Variants in CYB5R3 observed in about 807,000 individuals in gnomAD.
CYB5R3 encodes the protein cytochrome b5 reductase 3.
CYB5R3 carries 28 observed loss-of-function variants against 36.5 expected under a neutral mutation model. The ratio of observed to expected loss-of-function variants is 0.77; its 90% CI spans 0.57 to 1.05. CYB5R3 has a LOEUF of 1.05. Ranked by LOEUF, CYB5R3 falls within the 50% of genes least tolerant of loss-of-function variation. The pLI is 0.00. For synonymous variants in CYB5R3, 181 were observed against 159.8 expected, an observed-to-expected ratio of 1.13 and a Z score of -1.00; for missense variants, 474 against 408.9, an observed-to-expected ratio of 1.16 and a Z score of -1.37.
chr22:42,638,755 G>A (rs1277015039), intron 1 of CYB5R3, among the ~76,000 whole-genome samples: 17 of 84,000 alleles, frequency 2.0e-4, no homozygotes, highest in African/African-American at 7.7e-4. Context: ...AAAAAAGGCC[G>A]GGCGCGGTGG....
chr22:42,631,024 T>C (rs1283538918), intron 3 of CYB5R3, 36 bp from the exon 4 acceptor site: 6 of 1,582,164 alleles, frequency 3.8e-6, no homozygotes, highest in Admixed American at 1.7e-5. Context: ...GGGCCAGAGA[T>C]CATCCTGCGG....
At chr22:42,638,803 C>CG (rs1369578843) in intron 1 of CYB5R3, among the ~76,000 whole-genome samples, 1 of 144,736 alleles carries the variant, frequency 6.9e-6, no homozygotes, top group Non-Finnish European at 1.5e-5. Flanking sequence ...GAGGCTGAGG[C>CG]GGGGGGATCA....
rs1929662700 is a variant in CYB5R3 at position 42,649,325 on chromosome 22, G to A, written c.-10C>T. On this transcript the variant is annotated 5_prime_UTR_variant, in exon 1 of 9. Transcript: ENST00000352397. ...TGAGCTGGGCCCCCATGGTGGCCCCGCGCCGCGCTCGCTCTGTCGCCGCCG... is the reference window on the plus strand; with the variant it reads ...TGAGCTGGGCCCCCATGGTGGCCCCACGCCGCGCTCGCTCTGTCGCCGCCG... 1 of 1,014,786 alleles carries A rather than the reference G, an allele frequency of 9.9e-7. No homozygotes were observed. Among genetic ancestry groups the A allele is most frequent in the Non-Finnish European group, 1.2e-6 (1 of 842,102 alleles). 62.9% of individuals were successfully genotyped at this position (1,014,786 alleles called of 1,614,324 possible). A position where few individuals can be genotyped will look rare whatever the true frequency, so the allele number is the denominator to read the frequency against.
chr22:42,634,197 C>CA (rs35470695), intron 2 of CYB5R3, among the ~76,000 whole-genome samples: 18,837 of 135,332 alleles, frequency 0.14, 1,273 homozygotes, highest in Middle Eastern at 0.21. Flanking sequence ...ACTAAAAATA[C>CA]AAAAAAAAAA....
intron 4 of CYB5R3, 93 bp downstream of exon 4, chr22:42,630,789 A>T (rs1928568260): frequency 1.8e-6 from 2 of 1,096,842 alleles, no homozygotes; most frequent in Admixed American, 4.0e-5. Flanking sequence ...ACAGGGCAGG[A>T]GCGGGAGACT....
intron 5 of CYB5R3, 84 bp from the exon 6 acceptor site, chr22:42,627,772 C>G (rs1398249744): frequency 9.7e-7 from 1 of 1,027,530 alleles, no homozygotes; most frequent in South Asian, 1.3e-5. Flanking sequence ...GCTGGAGAAC[C>G]TGCCCCCACT....
At position 42,619,715 on chromosome 22, in the gene CYB5R3, G is replaced by A. The variant is rs907048043; in HGVS notation, c.*58C>T. On this transcript the variant is annotated 3_prime_UTR_variant, in exon 9 of 9. Transcript: ENST00000352397. ...GTGCGATGTGGGGAGGTGACTGGGT[G>A]AGCGTGAACAGGGCGTGGGGTGCGC... 2.7e-6 allele frequency: 4 copies of A among 1,489,918 alleles called. No homozygotes were observed. In the South Asian group the frequency reaches 5.0e-5, roughly 19 times the overall value. The allele number at this position is 1,489,918 out of a possible 1,614,324, so 92.3% of individuals were successfully genotyped here. A position where few individuals can be genotyped will look rare whatever the true frequency, so the allele number is the denominator to read the frequency against.
intron 1 of CYB5R3, chr22:42,640,460 C>A: frequency 3.0e-6 from 1 of 338,154 alleles, no homozygotes; most frequent in Admixed American, 5.1e-5. Flanking sequence ...CTAACTGTGA[C>A]CTCCGCCTCC....
At chr22:42,628,910 G>A (rs1474036987) in intron 4 of CYB5R3, among the ~76,000 whole-genome samples, 2 of 152,138 alleles carry the variant, frequency 1.3e-5, no homozygotes, top group African/African-American at 4.8e-5. Flanking sequence ...AGGGGAGCCT[G>A]TTGTGGCTTC....
chr22:42,646,819 C>G (rs927201860), intron 1 of CYB5R3: 2 of 985,958 alleles, frequency 2.0e-6, no homozygotes, highest in East Asian at 1.1e-4. Context: ...GGACACAGAG[C>G]TGGGATCTGG....
At position 42,649,318 on chromosome 22, in the gene CYB5R3, T is replaced by G; in HGVS notation, c.-3A>C. 9.9e-7 allele frequency: 1 copy of G among 1,012,768 alleles called. No individual in the cohort carries two copies. The highest frequency in any genetic ancestry group is 1.2e-6 in the Non-Finnish European group (1 of 841,408). The allele number at this position is 1,012,768 out of a possible 1,614,324, so 62.7% of individuals were successfully genotyped here. On this transcript the variant is annotated 5_prime_UTR_variant, in exon 1 of 9. Coordinates refer to ENST00000352397, the MANE Select transcript of CYB5R3 (RefSeq NM_000398.7). The stretch of plus-strand genomic sequence containing the variant: ...ACCGTGCTGAGCTGGGCCCCCATGG[T>G]GGCCCCGCGCCGCGCTCGCTCTGTC...
rs535799124 is a variant in CYB5R3, at chr22:42,641,793, G to T, written c.22-4947C>A. Among the ~76,000 whole-genome samples the T allele has an allele frequency of 2.1e-3, 320 of 152,082 alleles. 1 individual carries two copies. The highest frequency in any genetic ancestry group is 7.4e-3 in the African/African-American group (307 of 41,506). On this transcript the variant is annotated intron_variant, in intron 1 of 8. Coordinates refer to ENST00000352397, the MANE Select transcript of CYB5R3 (RefSeq NM_000398.7). Reference sequence around the variant, plus strand: ...GAGCCACAGCGCCTGGCCAATTTTTGTATTTTTAGTAGAGCCGGGGTTTTT... The same window carrying T: ...GAGCCACAGCGCCTGGCCAATTTTTTTATTTTTAGTAGAGCCGGGGTTTTT...
intron 7 of CYB5R3, among the ~76,000 whole-genome samples, chr22:42,624,566 A>C: frequency 2.2e-5 from 3 of 137,080 alleles, no homozygotes; most frequent in African/African-American, 5.5e-5. Context: ...GCTATCAGGG[A>C]TCTCCCCCTG....
chr22:42,627,345 G>T lies in CYB5R3; in HGVS notation c.592C>A (p.Pro198Thr), dbSNP rs759899922. 3.7e-6 allele frequency: 6 copies of T among 1,613,880 alleles called. No individual in the cohort carries two copies. In the African/African-American group the frequency reaches 4.0e-5, roughly 11 times the overall value. ...AGGTGGCACACAGTGTGGTCATCAG[G>T]GTCCTTCATGATGGCGCGGATCACC... ...LQVIRAIMKD[P>T]DDHTVCHLLF... Residue 198 changes from proline to threonine, a missense_variant, in exon 7 of 9, where the codon CCT (proline) becomes ACT (threonine). Coordinates refer to ENST00000352397, the MANE Select transcript of CYB5R3 (RefSeq NM_000398.7).
At chr22:42,626,602 T>C (rs1292154065) in intron 7 of CYB5R3, among the ~76,000 whole-genome samples, 2 of 152,228 alleles carry the variant, frequency 1.3e-5, no homozygotes, top group African/African-American at 4.8e-5. Flanking sequence ...GCCATCTTGG[T>C]TGGCCTTGCG....
rs936991396 is a variant in CYB5R3, at chr22:42,636,620, G to A, written c.153+95C>T. 1.9e-6 allele frequency: 3 copies of A among 1,544,144 alleles called. No homozygotes were observed. In the African/African-American group the frequency reaches 4.1e-5, roughly 21 times the overall value. On this transcript the variant is annotated intron_variant, in intron 2 of 8. Coordinates refer to ENST00000352397, the MANE Select transcript of CYB5R3 (RefSeq NM_000398.7). ...CCATCTGTAAAATGGGTGGACAACA[G>A]TATCTACTTCAGAGCAGGACCATGC...
intron 1 of CYB5R3, among the ~76,000 whole-genome samples, chr22:42,639,546 T>C (rs1013609051): frequency 2.6e-5 from 4 of 151,300 alleles, no homozygotes; most frequent in African/African-American, 9.7e-5. Flanking sequence ...GAGAATCACT[T>C]GAACCCAGGA....
chr22:42,634,343 G>A (rs866783765), intron 2 of CYB5R3, among the ~76,000 whole-genome samples: 12 of 151,902 alleles, frequency 7.9e-5, no homozygotes, highest in African/African-American at 2.9e-4. Context: ...CCTGGGCAAC[G>A]AGAGCAAAAC....
Position 42,630,999 on chromosome 22 carries a change from G to C in CYB5R3, c.227-11C>G. 1 of 1,611,494 alleles carries C rather than the reference G, an allele frequency of 6.2e-7. No individual in the cohort carries two copies. The highest frequency in any genetic ancestry group is 1.1e-5 in the South Asian group (1 of 90,690). Reference sequence around the variant, plus strand: ...GGTAGATGTGCTGGCCTGCAGGACAGAACGGGGTCACTCTGGGCCAGAGAT... The same window carrying C: ...GGTAGATGTGCTGGCCTGCAGGACACAACGGGGTCACTCTGGGCCAGAGAT... On this transcript the variant is annotated splice_polypyrimidine_tract_variant and intron_variant, in intron 3 of 8. Coordinates refer to ENST00000352397, the MANE Select transcript of CYB5R3 (RefSeq NM_000398.7).
Sources: allele counts gnomAD v4.1 joint callset (sites outside exome capture counted in the v4.1 genomes callset), GRCh38; gene constraint gnomAD v4.1.1; transcripts MANE v1.5; gene names NCBI Gene and HGNC (gene_info 2026-07-23, HGNC 2026-07-21).